WWOX: variants seen among roughly 807,000 people sequenced by gnomAD.
WWOX encodes WW domain containing oxidoreductase, also known as WW domain-containing oxidoreductase.
A neutral mutation model predicts 46.2 loss-of-function variants in WWOX; 69 were observed. The ratio of observed to expected loss-of-function variants is 1.49; its 90% CI spans 1.23 to 1.82. WWOX has a LOEUF of 1.82. Among genes scored for constraint, WWOX ranks in the 40% most tolerant of loss-of-function variants. The pLI is 0.00. For missense variants in WWOX, 919 were observed against 542.6 expected, an observed-to-expected ratio of 1.69 and a Z score of -6.89; for synonymous variants, 359 against 202.6, an observed-to-expected ratio of 1.77 and a Z score of -6.56.
At chr16:78,459,620 T>C (rs912514805) in intron 8 of WWOX, among the ~76,000 whole-genome samples, 7 of 152,200 alleles carry the variant, frequency 4.6e-5, no homozygotes, top group African/African-American at 1.4e-4. Flanking sequence ...ATCTACTTTC[T>C]GCATTTGCGT....
At chr16:78,984,913 A>C (rs1026644948) in intron 8 of WWOX, among the ~76,000 whole-genome samples, 2 of 152,082 alleles carry the variant, frequency 1.3e-5, no homozygotes, top group Non-Finnish European at 2.9e-5. Context: ...TAATCGGCTC[A>C]TCAAGGTTCT....
chr16:79,078,776 C>G (rs1228288366), intron 8 of WWOX, among the ~76,000 whole-genome samples: 1 of 152,216 alleles, frequency 6.6e-6, no homozygotes, highest in South Asian at 2.1e-4. Context: ...AATGTCTTCA[C>G]TTCTCTTGGC....
At chr16:78,111,717 G>C (rs144950708) in intron 3 of WWOX, 1 of 155,276 alleles carries the variant, frequency 6.4e-6, no homozygotes. Context: ...TACGTTGTCC[G>C]CTTTCATGCT....
chr16:78,690,327 G>A (rs546605293), intron 8 of WWOX, among the ~76,000 whole-genome samples: 1 of 152,234 alleles, frequency 6.6e-6, no homozygotes, highest in East Asian at 1.9e-4. Context: ...GAGTCAGAAC[G>A]ATTGCTTGAG....
At chr16:78,699,984 G>T (rs1443229484) in intron 8 of WWOX, among the ~76,000 whole-genome samples, 1 of 152,088 alleles carries the variant, frequency 6.6e-6, no homozygotes, top group Non-Finnish European at 1.5e-5. Context: ...CTTGGGGAGG[G>T]GAGGTGGCTG....
At chr16:78,422,520 T>C (rs1342842889) in intron 6 of WWOX, among the ~76,000 whole-genome samples, 1 of 150,012 alleles carries the variant, frequency 6.7e-6, no homozygotes, top group East Asian at 2.0e-4. Context: ...CACTTTCGGG[T>C]GGTTGTTGTT....
chr16:78,425,678 C>T (rs2083059122), intron 7 of WWOX, among the ~76,000 whole-genome samples: 1 of 152,104 alleles, frequency 6.6e-6, no homozygotes, highest in South Asian at 2.1e-4. Flanking sequence ...ATATTTGTTT[C>T]TAGAGTTGGA....
intron 6 of WWOX, among the ~76,000 whole-genome samples, chr16:78,423,883 G>C (rs2083011767): frequency 6.6e-6 from 1 of 151,004 alleles, no homozygotes; most frequent in Non-Finnish European, 1.5e-5. Context: ...AAATAAGGGA[G>C]AATACTATGA....
At chr16:78,331,280 G>C (rs1039647492) in intron 5 of WWOX, among the ~76,000 whole-genome samples, 1 of 152,132 alleles carries the variant, frequency 6.6e-6, no homozygotes, top group South Asian at 2.1e-4. Flanking sequence ...TAGAAGTCAC[G>C]TCGATTTTCA....
chr16:78,929,797 A>G (rs766360006), intron 8 of WWOX, among the ~76,000 whole-genome samples: 7 of 152,222 alleles, frequency 4.6e-5, no homozygotes, highest in Non-Finnish European at 8.8e-5. Flanking sequence ...ACCTGGGGCA[A>G]TGCCATAAAT....
At chr16:78,895,129 A>T (rs2044673503) in intron 8 of WWOX, among the ~76,000 whole-genome samples, 1 of 152,164 alleles carries the variant, frequency 6.6e-6, no homozygotes, top group African/African-American at 2.4e-5. Context: ...GCATATGCTA[A>T]AGTGTAATAT....
chr16:78,130,981 G>A (rs1475628245), intron 4 of WWOX, among the ~76,000 whole-genome samples: 1 of 152,214 alleles, frequency 6.6e-6, no homozygotes, highest in Non-Finnish European at 1.5e-5. Flanking sequence ...GGGATAGCCT[G>A]TTGCTTCCAG....
intron 6 of WWOX, among the ~76,000 whole-genome samples, chr16:78,388,029 C>T (rs1487948728): frequency 6.6e-6 from 1 of 152,016 alleles, no homozygotes; most frequent in Non-Finnish European, 1.5e-5. Context: ...GAGCTGACAC[C>T]ACACTGCTGT....
chr16:79,203,363 T>C (rs1157106513), intron 8 of WWOX: 1 of 152,206 alleles, frequency 6.6e-6, no homozygotes, highest in African/African-American at 2.4e-5. Flanking sequence ...CGATTTGAAA[T>C]AGCGGGGCTG....
intron 6 of WWOX, among the ~76,000 whole-genome samples, chr16:78,400,957 G>A (rs903786466): frequency 6.6e-6 from 1 of 152,124 alleles, no homozygotes; most frequent in African/African-American, 2.4e-5. Context: ...TGAGTAGTTG[G>A]GACTACATGC....
chr16:78,998,875 C>T (rs1286215483), intron 8 of WWOX, among the ~76,000 whole-genome samples: 4 of 152,182 alleles, frequency 2.6e-5, no homozygotes, highest in African/African-American at 9.7e-5. Context: ...TCCCTTATGC[C>T]TGGCAGGGGC....
chr16:79,067,352 G>T (rs2048460317), intron 8 of WWOX, among the ~76,000 whole-genome samples: 1 of 152,162 alleles, frequency 6.6e-6, no homozygotes, highest in Non-Finnish European at 1.5e-5. Context: ...AATGGCTGTT[G>T]TCTGCTCTCG....
intron 8 of WWOX, among the ~76,000 whole-genome samples, chr16:78,594,429 G>GCCCCCCCCCCGCCCCCC (rs2045429749): frequency 3.1e-5 from 1 of 32,380 alleles, no homozygotes; most frequent in Non-Finnish European, 5.2e-5. Flanking sequence ...CTGAGGAAAG[G>GCCCCCCCCCCGCCCCCC]CCCCCCCCCC....
intron 8 of WWOX, among the ~76,000 whole-genome samples, chr16:79,041,740 C>A (rs1055281271): frequency 9.2e-5 from 14 of 152,154 alleles, no homozygotes; most frequent in African/African-American, 3.4e-4. Context: ...TTCATGGAAT[C>A]CAGGGCTTGA....
Sources: gnomAD v4.1 joint callset for allele counts (sites outside exome capture counted in the v4.1 genomes callset) on GRCh38, gnomAD v4.1.1 for gene constraint, MANE v1.5 for transcripts, NCBI Gene and HGNC (gene_info 2026-07-23, HGNC 2026-07-21) for gene names.